The following ST14 variants were observed in gnomAD, a reference collection of about 807,000 sequenced individuals.
ST14 encodes the protein suppressor of tumorigenicity 14 protein.
ST14 carries 40 observed loss-of-function variants against 96.5 expected under a neutral mutation model. That is an observed-to-expected ratio of 0.41 (90% confidence interval 0.32 to 0.54). The LOEUF (loss-of-function observed/expected upper bound fraction) is 0.54. Ranked by LOEUF, ST14 falls within the 20% of genes least tolerant of loss-of-function variation. The pLI is 0.17. For synonymous variants in ST14, 506 were observed against 492.1 expected (o/e 1.03, Z -0.37); for missense variants, 1,066 against 1,188.9 (o/e 0.90, Z 1.52).
At position 130,206,319 on chromosome 11, in the gene ST14, C is replaced by T. The variant is rs969123312; in HGVS notation, c.1995-2091C>T. Among the ~76,000 whole-genome samples the T allele has an allele frequency of 5.9e-5, 9 of 152,262 alleles. No individual in the cohort carries two copies. The East Asian group carries it at 9.7e-4, about 16-fold the overall frequency. On this transcript the variant is annotated intron_variant, in intron 16 of 18. Coordinates refer to ENST00000278742, the MANE Select transcript of ST14 (RefSeq NM_021978.4). ...AGGAGGCTGAGCACCTGGCTCGGGA[C>T]GCCCAACAGGTTTCGCCATCATAAA...
chr11:130,196,380 C>T lies in ST14; in HGVS notation c.1155C>T (p.Phe385=). The T allele has an allele frequency of 1.2e-6, 2 of 1,607,846 alleles. No individual in the cohort carries two copies. Among genetic ancestry groups the T allele is most frequent in the Non-Finnish European group, 1.7e-6 (2 of 1,177,602 alleles). The part of the protein sequence containing the change: ...NQHVKVRFKF[F]YLLEPGVPAG... The stretch of plus-strand genomic sequence containing the variant: ...ATGTGAAGGTGCGCTTCAAATTCTT[C>T]TACCTGCTGGAGCCCGGCGTGCCTG... Residue 385 remains phenylalanine (F), a synonymous_variant, in exon 10 of 19, where the codon TTC becomes TTT. Coordinates refer to ENST00000278742, the MANE Select transcript of ST14 (RefSeq NM_021978.4).
Position 130,198,403 on chromosome 11 carries a change from G to C in ST14, c.1555G>C (p.Asp519His). ...TGTGAACGACTGCGGAGACAACAGC[G>C]ACGAGCAGGGGTGCAGTGAGTGCTG... ...DSVNDCGDNS[D>H]EQGCSCPAQT... The change falls in exon 13 of 19, where the codon GAC becomes CAC. Residue 519 changes from aspartate (D) to histidine (H), a missense_variant. Coordinates refer to ENST00000278742, the MANE Select transcript of ST14 (RefSeq NM_021978.4). 1 of 1,614,108 alleles carries C rather than the reference G, an allele frequency of 6.2e-7. No individual in the cohort carries two copies. Among genetic ancestry groups the C allele is most frequent in the African/African-American group, 1.3e-5 (1 of 75,048 alleles).
At chr11:130,162,702 A>T (rs1328737187) in intron 1 of ST14, among the ~76,000 whole-genome samples, 4 of 152,218 alleles carry the variant, frequency 2.6e-5, no homozygotes, top group Non-Finnish European at 5.9e-5. Flanking sequence ...CCCTAGACTC[A>T]CAGCCCCTGT....
intron 15 of ST14, among the ~76,000 whole-genome samples, chr11:130,199,606 C>T (rs1953406376): frequency 6.6e-6 from 1 of 152,196 alleles, no homozygotes; most frequent in Admixed American, 6.5e-5. Context: ...GCCCCCTCCC[C>T]TGTGATGTCC....
chr11:130,191,127 G>A, intron 7 of ST14, among the ~76,000 whole-genome samples: 1 of 152,092 alleles, frequency 6.6e-6, no homozygotes, highest in East Asian at 1.9e-4. Context: ...GAGGCGGGAG[G>A]ATCTCTTGAG....
At chr11:130,161,710 T>A (rs187557539) in intron 1 of ST14, among the ~76,000 whole-genome samples, 82 of 152,364 alleles carry the variant, frequency 5.4e-4, no homozygotes, top group African/African-American at 1.9e-3. Context: ...CTTGGGCTGT[T>A]CCTTCCCCCT....
intron 7 of ST14, among the ~76,000 whole-genome samples, chr11:130,192,891 G>C (rs545055645): frequency 6.6e-6 from 1 of 152,268 alleles, no homozygotes; most frequent in South Asian, 2.1e-4. Context: ...GGATGACATG[G>C]TTGTGAGCAG....
rs78147979 is a variant in ST14, at chr11:130,175,205, G to A, written c.82-12909G>A. On this transcript the variant is annotated intron_variant, in intron 1 of 18. Transcript: ENST00000278742. ...CCTTGTGTTAGATTTTTTCAAGTCC[G>A]TCTCCAGATTTTGTTGGGTCTGAAT... is the stretch of plus-strand genomic sequence containing the variant. Among the ~76,000 whole-genome samples, 1,520 of 152,146 alleles carry A rather than the reference G, an allele frequency of 1.0e-2. 10 individuals are homozygous for A. The highest frequency in any genetic ancestry group is 0.022 in the South Asian group (105 of 4,804).
intron 1 of ST14, among the ~76,000 whole-genome samples, chr11:130,161,278 C>T (rs908698876): frequency 2.0e-5 from 3 of 152,230 alleles, no homozygotes; most frequent in African/African-American, 7.2e-5. Context: ...CTGGCTGTGC[C>T]TGTGCCCTGC....
chr11:130,172,211 C>A (rs1953098892), intron 1 of ST14, among the ~76,000 whole-genome samples: 2 of 151,460 alleles, frequency 1.3e-5, no homozygotes, highest in South Asian at 4.2e-4. Flanking sequence ...ACATCCCAGG[C>A]TCAAGTGATC....
At chr11:130,208,292 T>C in intron 16 of ST14, 118 bp from the exon 17 acceptor site, 1 of 1,447,566 alleles carries the variant, frequency 6.9e-7, no homozygotes, top group Admixed American at 1.7e-5. Context: ...CCCCATCGTC[T>C]TCTCGTAGCA....
At chr11:130,182,612 G>A (rs938670573) in intron 1 of ST14, among the ~76,000 whole-genome samples, 1 of 150,192 alleles carries the variant, frequency 6.7e-6, no homozygotes, top group Admixed American at 6.6e-5. Context: ...CTTTCACAGT[G>A]CAAGTGTGAG....
chr11:130,190,326 G>T (rs1483516308), intron 6 of ST14, 128 bp from the exon 7 acceptor site: 4 of 1,526,436 alleles, frequency 2.6e-6, no homozygotes, highest in Non-Finnish European at 3.6e-6. Flanking sequence ...ATTTCCCGAG[G>T]CCCAGGGCAG....
chr11:130,200,171 T>C (rs772570836), intron 16 of ST14, 34 bp downstream of exon 16: 1 of 1,611,222 alleles, frequency 6.2e-7, no homozygotes, highest in East Asian at 2.2e-5. Context: ...GGAGCCTCCT[T>C]GCTGGCCCTT....
At chr11:130,200,225 G>C in intron 16 of ST14, 88 bp downstream of exon 16, 1 of 1,496,356 alleles carries the variant, frequency 6.7e-7, no homozygotes, top group Non-Finnish European at 9.2e-7. Flanking sequence ...CCGAGGCAGG[G>C]CACTGGAGGG....
intron 7 of ST14, among the ~76,000 whole-genome samples, chr11:130,192,839 T>A (rs765705305): frequency 1.6e-4 from 24 of 152,126 alleles, no homozygotes; most frequent in Admixed American, 4.6e-4. Flanking sequence ...TCTCTCAGGG[T>A]TTTTATAAGG....
At chr11:130,173,627 CA>C (rs1215779396) in intron 1 of ST14, among the ~76,000 whole-genome samples, 3 of 150,790 alleles carry the variant, frequency 2.0e-5, no homozygotes, top group Admixed American at 1.3e-4. Context: ...CACCCTCCAA[CA>C]AAAAAAATGA....
chr11:130,208,376 G>A (rs1953509981), intron 16 of ST14, 34 bp from the exon 17 acceptor site: 3 of 1,613,628 alleles, frequency 1.9e-6, no homozygotes, highest in African/African-American at 2.7e-5. Context: ...AGACCCGAGT[G>A]ACCGCGCAGT....
At chr11:130,202,936 A>T (rs978374312) in intron 16 of ST14, among the ~76,000 whole-genome samples, 5 of 151,912 alleles carry the variant, frequency 3.3e-5, no homozygotes, top group African/African-American at 1.2e-4. Flanking sequence ...TCCCAACTGC[A>T]CTCCAGCCCC....
Sources: gnomAD v4.1 joint callset for allele counts (sites outside exome capture counted in the v4.1 genomes callset) on GRCh38, gnomAD v4.1.1 for gene constraint, MANE v1.5 for transcripts, NCBI Gene and HGNC (gene_info 2026-07-23, HGNC 2026-07-21) for gene names.